The following ATXN7L1 variants were observed in gnomAD, a reference collection of about 807,000 sequenced individuals.
The protein encoded by ATXN7L1 is ataxin-7-like protein 1.
Under a neutral mutation model 70.8 loss-of-function variants are expected in ATXN7L1, and 15 were observed. The ratio of observed to expected loss-of-function variants is 0.21; its 90% CI spans 0.14 to 0.33. The LOEUF (loss-of-function observed/expected upper bound fraction) is 0.33, where lower values mean the gene tolerates loss of function less well. Ranked by LOEUF, ATXN7L1 falls within the 10% of genes least tolerant of loss-of-function variation. The probability of loss-of-function intolerance (pLI) is 1.00; values close to 1 mark genes in which losing one functional copy is unlikely to be tolerated. For missense variants in ATXN7L1, 975 were observed against 1,097.1 expected (o/e 0.89, Z 1.57); for synonymous variants, 440 against 445.1 (o/e 0.99, Z 0.14).
intron 3 of ATXN7L1, among the ~76,000 whole-genome samples, chr7:105,720,447 C>T (rs1795060270): frequency 6.6e-6 from 1 of 152,160 alleles, no homozygotes; most frequent in African/African-American, 2.4e-5. Flanking sequence ...GAGACAGGGT[C>T]TTGCTCTGTT....
At chr7:105,863,191 T>C (rs183426791) in intron 2 of ATXN7L1, among the ~76,000 whole-genome samples, 152 of 152,336 alleles carry the variant, frequency 1.0e-3, no homozygotes, top group African/African-American at 3.5e-3. Flanking sequence ...CTGGAGTTGC[T>C]TGGCAACCAT....
At chr7:105,702,657 A>G (rs1445964240) in intron 3 of ATXN7L1, among the ~76,000 whole-genome samples, 2 of 152,194 alleles carry the variant, frequency 1.3e-5, no homozygotes, top group Non-Finnish European at 1.5e-5. Flanking sequence ...GTGCTAGAGT[A>G]TTAAAAAATA....
At position 105,638,468 on chromosome 7, in the gene ATXN7L1, G is replaced by C. The variant is rs1423960264; in HGVS notation, c.1087C>G (p.Pro363Ala). ...HLLTSTREIL[P>A]SQSGPAQDSL... is the part of the protein sequence containing the mutation. ...TCCTGTGCCGGCCCGGATTGGCTTG[G>C]AAGTATTTCCCTCGTGGAAGTCAGG... is the stretch of plus-strand genomic sequence containing the variant. Residue 363 changes from proline to alanine, a missense_variant, in exon 7 of 12, where the codon CCA becomes GCA. Around this residue, in one of 5 missense-constraint regions of ATXN7L1, gnomAD observed 635 missense variants for 699.4 expected, o/e 0.91. Transcript: ENST00000419735. The C allele has an allele frequency of 6.4e-7, 1 of 1,552,184 alleles. No homozygotes were observed. Among genetic ancestry groups the C allele is most frequent in the Non-Finnish European group, 8.7e-7 (1 of 1,147,136 alleles).
At chr7:105,697,457 T>C (rs1276574845) in intron 3 of ATXN7L1, among the ~76,000 whole-genome samples, 1 of 152,236 alleles carries the variant, frequency 6.6e-6, no homozygotes, top group East Asian at 1.9e-4. Flanking sequence ...CCGGCTCACC[T>C]GCGGTCAGAG....
At chr7:105,773,053 C>T (rs1408295113) in intron 3 of ATXN7L1, among the ~76,000 whole-genome samples, 2 of 152,190 alleles carry the variant, frequency 1.3e-5, no homozygotes, top group Middle Eastern at 3.2e-3. Flanking sequence ...AAGGCCACTC[C>T]CTCACCATCC....
At chr7:105,867,320 A>C (rs756106061) in intron 2 of ATXN7L1, among the ~76,000 whole-genome samples, 3 of 152,192 alleles carry the variant, frequency 2.0e-5, no homozygotes, top group Non-Finnish European at 4.4e-5. Flanking sequence ...CGCCAGTTGT[A>C]TTTTCAGCCT....
intron 3 of ATXN7L1, among the ~76,000 whole-genome samples, chr7:105,775,737 A>C (rs1290218701): frequency 6.6e-6 from 1 of 152,172 alleles, no homozygotes; most frequent in African/African-American, 2.4e-5. Flanking sequence ...ACACCAGACG[A>C]AAGGGTGAGC....
At chr7:105,817,849 C>T (rs1386632597) in intron 2 of ATXN7L1, among the ~76,000 whole-genome samples, 2 of 152,184 alleles carry the variant, frequency 1.3e-5, no homozygotes, top group Non-Finnish European at 2.9e-5. Flanking sequence ...TTGCTTGAGC[C>T]AGGAGTTCCA....
chr7:105,671,461 T>A lies in ATXN7L1; in HGVS notation c.356-6173A>T, dbSNP rs142166838. On this transcript the variant is annotated intron_variant, in intron 3 of 11. Coordinates refer to ENST00000419735, the MANE Select transcript of ATXN7L1 (RefSeq NM_020725.2). ...TGAATATAAGCACCACTCACCTACT[T>A]TAGGAAAAACAGAAAATCACTATCA... 1.9e-3 allele frequency among the ~76,000 whole-genome samples: 286 copies of A among 152,128 alleles called. 1 individual carries two copies. Among genetic ancestry groups the A allele is most frequent in the Middle Eastern group, 6.8e-3 (2 of 294 alleles).
intron 4 of ATXN7L1, among the ~76,000 whole-genome samples, chr7:105,647,948 G>T (rs1319151735): frequency 6.6e-6 from 1 of 152,172 alleles, no homozygotes; most frequent in African/African-American, 2.4e-5. Flanking sequence ...TACTGTCAAT[G>T]ATTCCAGAAC....
rs568656330 is a variant in ATXN7L1 at position 105,622,945 on chromosome 7, G to A, written c.1395+1130C>T. ...GATTGTCCCTCGGCTCCATGACATCGTGGAGAAGCTGAACCAAGCTTGGGA... is the reference window on the plus strand; with the variant it reads ...GATTGTCCCTCGGCTCCATGACATCATGGAGAAGCTGAACCAAGCTTGGGA... On this transcript the variant is annotated intron_variant, in intron 8 of 11. Coordinates refer to ENST00000419735, the MANE Select transcript of ATXN7L1 (RefSeq NM_020725.2). Among the ~76,000 whole-genome samples the A allele has an allele frequency of 6.6e-5, 10 of 152,268 alleles. No individual in the cohort carries two copies. The South Asian group carries it at 8.3e-4, about 13-fold the overall frequency.
chr7:105,747,019 T>A (rs1358934009), intron 3 of ATXN7L1, among the ~76,000 whole-genome samples: 4 of 152,218 alleles, frequency 2.6e-5, no homozygotes, highest in Admixed American at 6.5e-5. Flanking sequence ...AAAACATATT[T>A]GCCCCTGTGA....
intron 2 of ATXN7L1, among the ~76,000 whole-genome samples, chr7:105,865,602 C>T (rs11983303): frequency 0.17 from 25,301 of 152,018 alleles, 2,483 homozygotes; most frequent in South Asian, 0.39. Context: ...GGGGTTTCAC[C>T]GTGTTAGCCA....
chr7:105,706,029 G>A (rs976072565), intron 3 of ATXN7L1, among the ~76,000 whole-genome samples: 5 of 152,320 alleles, frequency 3.3e-5, no homozygotes, highest in African/African-American at 1.2e-4. Flanking sequence ...AATAAATCAG[G>A]AAATAATTAG....
At chr7:105,652,618 T>G (rs927312210) in intron 4 of ATXN7L1, among the ~76,000 whole-genome samples, 8 of 152,180 alleles carry the variant, frequency 5.3e-5, no homozygotes, top group Non-Finnish European at 1.5e-5. Flanking sequence ...CAGTTACTGT[T>G]TCCCAACAGT....
At chr7:105,845,788 T>C (rs1399825846) in intron 2 of ATXN7L1, among the ~76,000 whole-genome samples, 1 of 152,102 alleles carries the variant, frequency 6.6e-6, no homozygotes, top group Non-Finnish European at 1.5e-5. Context: ...TCCAAGACAA[T>C]TCAATGGAAC....
In ATXN7L1 at chr7:105,702,561, C is replaced by CAG. The variant is rs1452399208; in HGVS notation, c.356-37274_356-37273insCT. Among the ~76,000 whole-genome samples, 52 of 150,728 alleles carry CAG rather than the reference C, an allele frequency of 3.4e-4. No homozygotes were observed. In the East Asian group the frequency reaches 5.2e-3, roughly 15 times the overall value. ...CAGACCCACAACACACACACACACA[C>CAG]ACAGACACACATACACACACACACA... On this transcript the variant is annotated intron_variant, in intron 3 of 11. Coordinates refer to ENST00000419735, the MANE Select transcript of ATXN7L1 (RefSeq NM_020725.2).
chr7:105,637,754 C>T (rs10266988), intron 7 of ATXN7L1, among the ~76,000 whole-genome samples: 51,590 of 152,052 alleles, frequency 0.34, 8,914 homozygotes, highest in Admixed American at 0.44. Context: ...GAACCCCAAA[C>T]AGGTGGCCCA....
chr7:105,790,803 C>T (rs575453113), intron 2 of ATXN7L1, among the ~76,000 whole-genome samples: 26 of 152,108 alleles, frequency 1.7e-4, no homozygotes, highest in African/African-American at 5.3e-4. Flanking sequence ...CAGGCACCTC[C>T]GCACTGCCTC....
Sources: allele counts gnomAD v4.1 joint callset (sites outside exome capture counted in the v4.1 genomes callset), GRCh38; gene constraint gnomAD v4.1.1; regional missense constraint gnomAD v4.1.1; transcripts MANE v1.5; gene names NCBI Gene and HGNC (gene_info 2026-07-23, HGNC 2026-07-21).